ZBTB41: variants seen among roughly 807,000 people sequenced by gnomAD.
ZBTB41 encodes the protein zinc finger and BTB domain-containing protein 41.
Under a neutral mutation model 87.6 loss-of-function variants are expected in ZBTB41, and 42 were observed. The ratio of observed to expected loss-of-function variants is 0.48; its 90% CI spans 0.37 to 0.62. ZBTB41 has a LOEUF of 0.62. Ranked by LOEUF, ZBTB41 falls within the 20% of genes least tolerant of loss-of-function variation. The probability of loss-of-function intolerance (pLI) is 0.00; values close to 1 mark genes in which losing one functional copy is unlikely to be tolerated. For synonymous variants in ZBTB41, 364 were observed against 364.0 expected (o/e 1.00, Z 0.00); for missense variants, 799 against 1,078.9 (o/e 0.74, Z 3.63).
intron 5 of ZBTB41, among the ~76,000 whole-genome samples, chr1:197,186,323 C>A (rs1659881962): frequency 6.7e-6 from 1 of 150,364 alleles, no homozygotes. Flanking sequence ...ACATCCTTTG[C>A]AAAAGTGAAC....
At chr1:197,195,526 G>C (rs1265597730) in intron 2 of ZBTB41, among the ~76,000 whole-genome samples, 1 of 152,146 alleles carries the variant, frequency 6.6e-6, no homozygotes, top group Non-Finnish European at 1.5e-5. Flanking sequence ...TAGCCTTAGA[G>C]AGTTGTGCCA....
At chr1:197,184,471 ACT>A (rs893241229) in intron 5 of ZBTB41, among the ~76,000 whole-genome samples, 5 of 152,172 alleles carry the variant, frequency 3.3e-5, no homozygotes, top group African/African-American at 1.2e-4. Flanking sequence ...AGATTTCAAG[ACT>A]CTACATCACC....
chr1:197,173,532 G>A (rs966185512), intron 9 of ZBTB41, among the ~76,000 whole-genome samples: 3 of 152,092 alleles, frequency 2.0e-5, no homozygotes, highest in African/African-American at 7.2e-5. Context: ...AGCCTCCTGA[G>A]TAGCTGAGAC....
chr1:197,184,969 C>T (rs1268853530), intron 5 of ZBTB41, among the ~76,000 whole-genome samples: 2 of 152,062 alleles, frequency 1.3e-5, no homozygotes, highest in Admixed American at 6.6e-5. Context: ...CGTCCGCCAC[C>T]ACGCCCAGCT....
At chr1:197,199,330 A>G (rs1241676426) in intron 2 of ZBTB41, 24 bp downstream of exon 2, 2 of 1,472,558 alleles carry the variant, frequency 1.4e-6, no homozygotes, top group Non-Finnish European at 1.8e-6. Flanking sequence ...GATTAGAGAT[A>G]GAAAACCAGT....
At chr1:197,177,735 G>A (rs943741973) in intron 7 of ZBTB41, among the ~76,000 whole-genome samples, 1 of 151,850 alleles carries the variant, frequency 6.6e-6, no homozygotes, top group Non-Finnish European at 1.5e-5. Flanking sequence ...TCTAATGAAA[G>A]GAATAGCTTT....
intron 7 of ZBTB41, among the ~76,000 whole-genome samples, chr1:197,177,979 A>T (rs1032570968): frequency 2.6e-5 from 4 of 152,078 alleles, no homozygotes; most frequent in African/African-American, 9.7e-5. Flanking sequence ...ATGGTCAAGG[A>T]TTCAACCACA....
At chr1:197,196,482 T>G (rs576734630) in intron 2 of ZBTB41, among the ~76,000 whole-genome samples, 1 of 152,316 alleles carries the variant, frequency 6.6e-6, no homozygotes, top group South Asian at 2.1e-4. Flanking sequence ...ATTCTGGTCC[T>G]TTGTTATATG....
chr1:197,175,726 T>C (rs1440029166), intron 8 of ZBTB41, among the ~76,000 whole-genome samples: 1 of 151,636 alleles, frequency 6.6e-6, no homozygotes, highest in Non-Finnish European at 1.5e-5. Flanking sequence ...AATTAAAGCA[T>C]GTGGCCTCTA....
chr1:197,200,655 C>G (rs1652734329), intron 1 of ZBTB41, 65 bp from the exon 2 acceptor site: 1 of 473,672 alleles, frequency 2.1e-6, no homozygotes, highest in Admixed American at 3.8e-5. Context: ...CAGCCAACGG[C>G]AATCATCAAC....
rs1659063924 is a variant in ZBTB41 at position 197,156,270 on chromosome 1, T to C, written c.*3089A>G. Reference sequence around the variant, plus strand: ...TGTGCTTCTTTGGACAAATAGTTATTCAAGCAAGAAAGAATTTAAAGTCTT... The same window carrying C: ...TGTGCTTCTTTGGACAAATAGTTATCCAAGCAAGAAAGAATTTAAAGTCTT... On this transcript the variant is annotated 3_prime_UTR_variant, in exon 11 of 11. Coordinates refer to ENST00000367405, the MANE Select transcript of ZBTB41 (RefSeq NM_194314.3). 6.6e-6 allele frequency: 1 copy of C among 152,118 alleles called. No individual in the cohort carries two copies. The highest frequency in any genetic ancestry group is 1.5e-5 in the Non-Finnish European group (1 of 67,698). 9.4% of individuals were successfully genotyped at this position (152,118 alleles called of 1,614,324 possible).
intron 4 of ZBTB41, among the ~76,000 whole-genome samples, chr1:197,189,630 T>C (rs1002224462): frequency 6.6e-6 from 1 of 152,172 alleles, no homozygotes; most frequent in Admixed American, 6.5e-5. Context: ...AAAAATGGAA[T>C]CTAATTCCCT....
intron 10 of ZBTB41, among the ~76,000 whole-genome samples, chr1:197,165,855 C>T (rs911558610): frequency 3.9e-5 from 6 of 152,174 alleles, no homozygotes; most frequent in Admixed American, 2.0e-4. Flanking sequence ...GCAAGATCAA[C>T]GCAGAAGGCA....
At chr1:197,169,199 C>A (rs1659420939) in intron 10 of ZBTB41, among the ~76,000 whole-genome samples, 1 of 151,908 alleles carries the variant, frequency 6.6e-6, no homozygotes, top group South Asian at 2.1e-4. Flanking sequence ...ATATGCATAT[C>A]CTATGAGCCA....
At chr1:197,181,504 G>A (rs1659746886) in intron 5 of ZBTB41, among the ~76,000 whole-genome samples, 1 of 152,044 alleles carries the variant, frequency 6.6e-6, no homozygotes, top group Non-Finnish European at 1.5e-5. Context: ...ATTTCTATTT[G>A]GTGATACAAA....
At chr1:197,193,643 C>G (rs773179939) in intron 2 of ZBTB41, among the ~76,000 whole-genome samples, 2 of 152,178 alleles carry the variant, frequency 1.3e-5, no homozygotes, top group Non-Finnish European at 2.9e-5. Flanking sequence ...TCAGTTCCCT[C>G]TCTGCTACTG....
chr1:197,196,096 A>G (rs1660155770), intron 2 of ZBTB41, among the ~76,000 whole-genome samples: 1 of 152,162 alleles, frequency 6.6e-6, no homozygotes, highest in East Asian at 1.9e-4. Flanking sequence ...ATTTGAAATG[A>G]CCTGAGATGT....
At chr1:197,161,033 C>A (rs1208313537) in intron 10 of ZBTB41, among the ~76,000 whole-genome samples, 4 of 152,088 alleles carry the variant, frequency 2.6e-5, no homozygotes, top group African/African-American at 9.7e-5. Context: ...GAATCTCAGT[C>A]CTGGTCCTAC....
At chr1:197,188,962 C>T (rs983136585) in intron 4 of ZBTB41, among the ~76,000 whole-genome samples, 4 of 152,120 alleles carry the variant, frequency 2.6e-5, no homozygotes, top group South Asian at 2.1e-4. Flanking sequence ...CCAGGCACAA[C>T]GCTAAGTAAT....
Sources: gnomAD v4.1 joint callset for allele counts (sites outside exome capture counted in the v4.1 genomes callset) on GRCh38, gnomAD v4.1.1 for gene constraint, MANE v1.5 for transcripts, NCBI Gene and HGNC (gene_info 2026-07-23, HGNC 2026-07-21) for gene names.